Variants in LRRC37A3 observed in about 807,000 individuals in gnomAD.
LRRC37A3 encodes the protein leucine rich repeat containing 37 member A3.
A neutral mutation model predicts 106.2 loss-of-function variants in LRRC37A3; 25 were observed. That is an observed-to-expected ratio of 0.24 (90% CI 0.17 to 0.33). The LOEUF (loss-of-function observed/expected upper bound fraction) is 0.33, where lower values mean the gene tolerates loss of function less well. LRRC37A3 is among the 10% of genes least tolerant of loss of function. The probability of loss-of-function intolerance (pLI) is 1.00; values close to 1 mark genes in which losing one functional copy is unlikely to be tolerated. For missense variants in LRRC37A3, 712 were observed against 1,644.9 expected (o/e 0.43, Z 9.81); for synonymous variants, 305 against 635.8 (o/e 0.48, Z 7.83).
At chr17:64,863,843 AC>A (rs1972963622) in intron 10 of LRRC37A3, among the ~76,000 whole-genome samples, 1 of 152,078 alleles carries the variant, frequency 6.6e-6, no homozygotes, top group African/African-American at 2.4e-5. Context: ...TTATTTTGTC[AC>A]CCAGGCTGAA....
At chr17:64,873,520 G>A (rs1973391593) in intron 8 of LRRC37A3, among the ~76,000 whole-genome samples, 1 of 151,100 alleles carries the variant, frequency 6.6e-6, no homozygotes, top group African/African-American at 2.4e-5. Context: ...AAACGATTCA[G>A]TTCTGTAGAC....
At chr17:64,870,083 ATTTTTTTT>A (rs904361471) in intron 8 of LRRC37A3, among the ~76,000 whole-genome samples, 2 of 110,412 alleles carry the variant, frequency 1.8e-5, no homozygotes, top group Non-Finnish European at 3.7e-5. Context: ...CAGAGACCAC[ATTTTTTTT>A]TTTTTTTTTT....
intron 12 of LRRC37A3, among the ~76,000 whole-genome samples, 185 bp from the exon 13 acceptor site, chr17:64,859,068 T>C (rs1452680379): frequency 2.0e-5 from 3 of 152,046 alleles, no homozygotes; most frequent in Non-Finnish European, 4.4e-5. Context: ...TCCTCCCACC[T>C]CAGCCTCCCA....
At chr17:64,917,472 T>C (rs1974732124) in intron 2 of LRRC37A3, among the ~76,000 whole-genome samples, 1 of 152,004 alleles carries the variant, frequency 6.6e-6, no homozygotes, top group African/African-American at 2.4e-5. Flanking sequence ...TATGGAAATG[T>C]TTACGGCAGC....
chr17:64,858,441 GA>G (rs562323486), intron 13 of LRRC37A3, among the ~76,000 whole-genome samples: 295 of 152,292 alleles, frequency 1.9e-3, no homozygotes, highest in African/African-American at 6.9e-3. Context: ...CAGCAACAAG[GA>G]AATAATTTAG....
intron 2 of LRRC37A3, among the ~76,000 whole-genome samples, chr17:64,912,647 AATC>A (rs768102957): frequency 2.2e-3 from 341 of 151,816 alleles, no homozygotes; most frequent in South Asian, 1.9e-3. Context: ...ACCTAAATCC[AATC>A]ATCATCAATC....
rs140181488 is a variant in LRRC37A3 at position 64,860,439 on chromosome 17, G to A, written c.3707C>T (p.Ser1236Leu). 260 of 1,613,942 alleles carry A rather than the reference G, an allele frequency of 1.6e-4. 1 individual carries two copies. The African/African-American group carries it at 3.2e-3, about 20-fold the overall frequency. ...TGCTGCCTTATGCTCTTGGGTGAAC[G>A]AAGGCTTGGTGTAGACGGCGTTTCC... ...LAGNAVYTKP[S>L]FTQEHKAAVS... The change falls in exon 12 of 15, where the codon TCG (serine) becomes TTG (leucine). Residue 1236 changes from serine (S) to leucine (L), a missense_variant. By Grantham distance (145) the Ser-to-Leu change is moderately radical (BLOSUM62 -2). Coordinates refer to ENST00000584306, the MANE Select transcript of LRRC37A3 (RefSeq NM_199340.5).
At position 64,914,900 on chromosome 17, in the gene LRRC37A3, C is replaced by T. The variant is rs1391539784; in HGVS notation, c.-496+3850G>A. Among the ~76,000 whole-genome samples, 212 of 148,824 alleles carry T rather than the reference C, an allele frequency of 1.4e-3. 1 individual carries two copies. The highest frequency in any genetic ancestry group is 2.4e-3 in the Non-Finnish European group (162 of 67,378). Reference sequence around the variant, plus strand: ...GCCAAGGGCAGAAAGACAAGTATCACATATTCTCATTCATATATGAGAGAT... The same window carrying T: ...GCCAAGGGCAGAAAGACAAGTATCATATATTCTCATTCATATATGAGAGAT... On this transcript the variant is annotated intron_variant, in intron 2 of 14. Coordinates refer to ENST00000584306, the MANE Select transcript of LRRC37A3 (RefSeq NM_199340.5).
chr17:64,887,503 G>A (rs574262499), intron 6 of LRRC37A3, among the ~76,000 whole-genome samples: 3,286 of 56,542 alleles, frequency 0.058, 1,033 homozygotes, highest in African/African-American at 0.28. Flanking sequence ...GCGAGATTCC[G>A]TCTCAAACAA....
chr17:64,867,440 C>T (rs1173779845), intron 10 of LRRC37A3, among the ~76,000 whole-genome samples: 3 of 152,068 alleles, frequency 2.0e-5, no homozygotes, highest in Non-Finnish European at 2.9e-5. Context: ...GAACAGTTGT[C>T]CCGCAGTGTC....
At chr17:64,912,420 A>C (rs1974610709) in intron 2 of LRRC37A3, among the ~76,000 whole-genome samples, 1 of 151,952 alleles carries the variant, frequency 6.6e-6, no homozygotes, top group Admixed American at 6.6e-5. Context: ...CAATACTTTT[A>C]CATTTTATTT....
At chr17:64,861,599 C>T (rs1283422154) in intron 11 of LRRC37A3, among the ~76,000 whole-genome samples, 4 of 152,172 alleles carry the variant, frequency 2.6e-5, no homozygotes, top group South Asian at 2.1e-4. Context: ...TGTGTCCACC[C>T]TAGTTCTTAA....
At chr17:64,893,684 C>T (rs1346759761) in intron 4 of LRRC37A3, among the ~76,000 whole-genome samples, 1 of 124,032 alleles carries the variant, frequency 8.1e-6, no homozygotes, top group Admixed American at 9.1e-5. Context: ...GAGTCTTGCT[C>T]TGTCGCCCAG....
intron 10 of LRRC37A3, among the ~76,000 whole-genome samples, chr17:64,867,596 T>C (rs1351899904): frequency 2.0e-5 from 3 of 151,006 alleles, no homozygotes; most frequent in Non-Finnish European, 4.4e-5. Flanking sequence ...ATGTACATAA[T>C]TATACTGTAT....
At chr17:64,918,713 T>C (rs1210240095) in intron 2 of LRRC37A3, 37 bp downstream of exon 2, 9 of 377,416 alleles carry the variant, frequency 2.4e-5, no homozygotes, top group Admixed American at 4.6e-5. Flanking sequence ...AAATAAATTA[T>C]ACTTCATCCA....
At chr17:64,876,048 T>A (rs1035501818) in intron 8 of LRRC37A3, among the ~76,000 whole-genome samples, 2 of 152,186 alleles carry the variant, frequency 1.3e-5, no homozygotes, top group East Asian at 3.9e-4. Flanking sequence ...CTAAAAAAAA[T>A]TTTTAGAGAT....
Position 64,855,694 on chromosome 17 carries a change from C to T in LRRC37A3, c.4859+146G>A, listed in dbSNP as rs1391132565. On this transcript the variant is annotated intron_variant, in intron 14 of 14. Coordinates refer to ENST00000584306, the MANE Select transcript of LRRC37A3 (RefSeq NM_199340.5). ...GTGCATGCCTGTAATCCCAGCTACT[C>T]GGGAGGCTGAGGCAGGAGAATCGCT... is the stretch of plus-strand genomic sequence containing the variant. 40 of 1,247,476 alleles carry T rather than the reference C, an allele frequency of 3.2e-5. No individual in the cohort carries two copies. Among genetic ancestry groups the T allele is most frequent in the South Asian group, 2.0e-4 (15 of 74,780 alleles). The allele number at this position is 1,247,476 out of a possible 1,614,324, so 77.3% of individuals were successfully genotyped here. A position where few individuals can be genotyped will look rare whatever the true frequency, so the allele number is the denominator to read the frequency against.
chr17:64,867,189 C>T (rs1339466563), intron 10 of LRRC37A3, among the ~76,000 whole-genome samples: 1 of 149,970 alleles, frequency 6.7e-6, no homozygotes, highest in African/African-American at 2.5e-5. Context: ...CTTCAGAAAA[C>T]ATTTTTATTT....
At chr17:64,918,301 T>C (rs1974750686) in intron 2 of LRRC37A3, among the ~76,000 whole-genome samples, 3 of 151,164 alleles carry the variant, frequency 2.0e-5, no homozygotes, top group Non-Finnish European at 4.4e-5. Flanking sequence ...TCCATTAAAT[T>C]GGGATAGCAT....
Sources: gnomAD v4.1 joint callset for allele counts (sites outside exome capture counted in the v4.1 genomes callset) on GRCh38, gnomAD v4.1.1 for gene constraint, MANE v1.5 for transcripts, NCBI Gene and HGNC (gene_info 2026-07-23, HGNC 2026-07-21) for gene names.